Variants in ANK3 observed in about 807,000 individuals in gnomAD.
ANK3 encodes the protein ankyrin-3.
Under a neutral mutation model 370.9 loss-of-function variants are expected in ANK3, and 57 were observed. The ratio of observed to expected loss-of-function variants is 0.15; its 90% CI spans 0.12 to 0.19. The LOEUF is 0.19. Ranked by LOEUF, ANK3 falls within the 10% of genes least tolerant of loss-of-function variation. The pLI is 1.00. For synonymous variants in ANK3, 1,929 were observed against 1,946.3 expected, an observed-to-expected ratio of 0.99 and a Z score of 0.23; for missense variants, 4,439 against 5,302.1, an observed-to-expected ratio of 0.84 and a Z score of 5.06.
upstream of ANK3, among the ~76,000 whole-genome samples, chr10:60,393,793 G>A (rs1335477910): frequency 2.0e-5 from 3 of 152,022 alleles, no homozygotes; most frequent in Non-Finnish European, 2.9e-5. Flanking sequence ...CAACATATGC[G>A]GTTTCCACAG....
chr10:60,114,704 A>C (rs1247100326), intron 25 of ANK3, among the ~76,000 whole-genome samples: 1 of 152,250 alleles, frequency 6.6e-6, no homozygotes, highest in African/African-American at 2.4e-5. Context: ...TGAAAAATTC[A>C]ATCTTGATGA....
chr10:60,671,564 G>A (rs2079064628), intron 1 of ANK3, among the ~76,000 whole-genome samples: 1 of 152,196 alleles, frequency 6.6e-6, no homozygotes. Flanking sequence ...ATATATGTAA[G>A]TGTTCCCCTG....
At chr10:60,290,771 G>A (rs1484932534) in intron 1 of ANK3, among the ~76,000 whole-genome samples, 1 of 152,084 alleles carries the variant, frequency 6.6e-6, no homozygotes, top group East Asian at 1.9e-4. Context: ...CTGCTGGGGT[G>A]TCTGTGCACA....
intron 1 of ANK3, 100 bp downstream of exon 1, chr10:60,389,325 C>A: frequency 8.9e-7 from 1 of 1,118,008 alleles, no homozygotes; most frequent in South Asian, 1.5e-5. Context: ...ACACTCTACC[C>A]AGCATGTAAA....
At chr10:60,558,838 C>T (rs1429064006) in intron 2 of ANK3, among the ~76,000 whole-genome samples, 1 of 151,984 alleles carries the variant, frequency 6.6e-6, no homozygotes, top group Non-Finnish European at 1.5e-5. Context: ...ATTTGTACAG[C>T]TCAAAAGACA....
chr10:60,650,348 G>A (rs2078769725), intron 1 of ANK3, among the ~76,000 whole-genome samples: 1 of 119,130 alleles, frequency 8.4e-6, no homozygotes, highest in Admixed American at 1.2e-4. Flanking sequence ...AGCTCACAAA[G>A]TACTATCTAC....
At chr10:60,264,517 C>T (rs1478657167) in intron 5 of ANK3, among the ~76,000 whole-genome samples, 21 of 151,796 alleles carry the variant, frequency 1.4e-4, no homozygotes, top group Admixed American at 1.3e-3. Context: ...GTGGTGGATG[C>T]CTGTAGTCTC....
chr10:60,440,894 A>G (rs1453212193), intron 2 of ANK3, among the ~76,000 whole-genome samples: 1 of 152,232 alleles, frequency 6.6e-6, no homozygotes, highest in African/African-American at 2.4e-5. Context: ...CAGTAGATAC[A>G]TTTTAAATGG....
chr10:60,386,411 C>T (rs557860339), intron 1 of ANK3, among the ~76,000 whole-genome samples: 2 of 151,894 alleles, frequency 1.3e-5, no homozygotes, highest in African/African-American at 4.8e-5. Context: ...TTTCATCCAC[C>T]TAGACGCATT....
chr10:60,560,112 CTT>C (rs770671058), intron 2 of ANK3, among the ~76,000 whole-genome samples: 5 of 151,996 alleles, frequency 3.3e-5, no homozygotes, highest in Admixed American at 6.6e-5. Flanking sequence ...ATATTTATAA[CTT>C]ATATATAATA....
intron 28 of ANK3, among the ~76,000 whole-genome samples, chr10:60,104,981 C>T (rs1046357436): frequency 2.0e-5 from 3 of 152,170 alleles, no homozygotes; most frequent in Non-Finnish European, 2.9e-5. Flanking sequence ...CGGTTCACCT[C>T]GCTCCTTTGT....
chr10:60,661,387 C>T (rs959953270), intron 1 of ANK3, among the ~76,000 whole-genome samples: 5 of 152,012 alleles, frequency 3.3e-5, no homozygotes, highest in Non-Finnish European at 4.4e-5. Context: ...TTCTTTTTCC[C>T]TCTACCAAGG....
intron 1 of ANK3, among the ~76,000 whole-genome samples, chr10:60,314,588 A>G (rs1035997105): frequency 1.1e-4 from 17 of 152,328 alleles, no homozygotes; most frequent in Middle Eastern, 3.4e-3. Flanking sequence ...TTTCTGTGGA[A>G]CAATCCCATG....
chr10:60,713,481 G>A (rs2132016860), intron 1 of ANK3, among the ~76,000 whole-genome samples: 1 of 152,182 alleles, frequency 6.6e-6, no homozygotes, highest in South Asian at 2.1e-4. Context: ...GAAATTTATA[G>A]TATTGAAGAA....
chr10:60,268,442 G>A (rs1483364488), intron 5 of ANK3, among the ~76,000 whole-genome samples: 3 of 152,086 alleles, frequency 2.0e-5, no homozygotes, highest in Admixed American at 6.6e-5. Context: ...TGCTAACAGC[G>A]TGTTATTGTA....
chr10:60,377,844 T>C (rs2061005566), intron 1 of ANK3, among the ~76,000 whole-genome samples: 1 of 152,188 alleles, frequency 6.6e-6, no homozygotes, highest in Non-Finnish European at 1.5e-5. Flanking sequence ...AAAATGCGAA[T>C]AATGTCACCT....
At chr10:60,192,461 T>C (rs2096503776) in intron 16 of ANK3, among the ~76,000 whole-genome samples, 1 of 151,312 alleles carries the variant, frequency 6.6e-6, no homozygotes, top group African/African-American at 2.4e-5. Flanking sequence ...TGTGCGTGTA[T>C]ACATATATAC....
intron 7 of ANK3, among the ~76,000 whole-genome samples, chr10:60,240,175 C>CAT (rs1247320302): frequency 7.4e-6 from 1 of 134,456 alleles, no homozygotes; most frequent in African/African-American, 2.8e-5. Flanking sequence ...CATATATATA[C>CAT]ATATATACAC....
intron 7 of ANK3, among the ~76,000 whole-genome samples, chr10:60,241,514 C>T (rs1159491496): frequency 6.6e-6 from 1 of 152,120 alleles, no homozygotes; most frequent in Admixed American, 6.6e-5. Flanking sequence ...AGGGAGGAGG[C>T]TAAGTGATTT....
Sources: gnomAD v4.1 joint callset for allele counts (sites outside exome capture counted in the v4.1 genomes callset) on GRCh38, gnomAD v4.1.1 for gene constraint, MANE v1.5 for transcripts, NCBI Gene and HGNC (gene_info 2026-07-23, HGNC 2026-07-21) for gene names.